SERPINA11: variants seen among roughly 807,000 people sequenced by gnomAD.
The protein encoded by SERPINA11 is serpin family A member 11, also known as serpin A11.
SERPINA11 carries 28 observed loss-of-function variants against 29.4 expected under a neutral mutation model. The ratio of observed to expected loss-of-function variants is 0.95; its 90% CI spans 0.70 to 1.30. SERPINA11 has a LOEUF of 1.30. SERPINA11 is among the 50% of genes most tolerant of loss of function. The pLI, the probability that SERPINA11 is intolerant of heterozygous loss-of-function variation, is 0.00. For missense variants in SERPINA11, 530 were observed against 507.3 expected (o/e 1.04, Z -0.43); for synonymous variants, 253 against 206.6 (o/e 1.22, Z -1.92).
Position 94,448,244 on chromosome 14 carries a change from C to T in SERPINA11, c.531G>A (p.Gly177=), listed in dbSNP as rs1208985829. Reference sequence around the variant, plus strand: ...TTCTCAAATAGTCATTAATCTGCCTCCCAGTTGTAACAGAATCTGTGAAGT... The same window carrying T: ...TTCTCAAATAGTCATTAATCTGCCTTCCAGTTGTAACAGAATCTGTGAAGT... ...SANFTDSVTT[G]RQINDYLRRQ... The change falls in exon 2 of 5, where the codon GGG becomes GGA. Residue 177 remains glycine (G), a synonymous_variant. Transcript: ENST00000334708. 2.5e-6 allele frequency: 4 copies of T among 1,614,106 alleles called. No homozygotes were observed. The highest frequency in any genetic ancestry group is 3.4e-6 in the Non-Finnish European group (4 of 1,180,056).
intron 2 of SERPINA11, among the ~76,000 whole-genome samples, chr14:94,447,169 A>C (rs532575826): frequency 6.6e-6 from 1 of 152,220 alleles, no homozygotes; most frequent in East Asian, 1.9e-4. Context: ...AAAAGAATTC[A>C]ATTAATAAAA....
rs148495961 is a variant in SERPINA11, at chr14:94,448,131, C to G, written c.643+1G>C. On this transcript the variant is annotated splice_donor_variant, in intron 2 of 4. Transcript: ENST00000334708. LOFTEE classifies it high-confidence loss of function. Reference sequence around the variant, plus strand: ...AATAATTCTGTCAGAGCAAGCCTCACCTTTGAAGAAGATGTAATTGGCAAG... The same window carrying G: ...AATAATTCTGTCAGAGCAAGCCTCAGCTTTGAAGAAGATGTAATTGGCAAG... The G allele has an allele frequency of 1.7e-5, 27 of 1,612,508 alleles. No individual in the cohort carries two copies. Among genetic ancestry groups the G allele is most frequent in the Non-Finnish European group, 8.5e-6 (10 of 1,179,050 alleles).
At chr14:94,450,936 C>G (rs1298979881) in intron 1 of SERPINA11, among the ~76,000 whole-genome samples, 1 of 152,166 alleles carries the variant, frequency 6.6e-6, no homozygotes, top group Non-Finnish European at 1.5e-5. Flanking sequence ...CACATTGCTA[C>G]TGGGACCCTC....
intron 1 of SERPINA11, among the ~76,000 whole-genome samples, chr14:94,450,383 T>C (rs1184521217): frequency 6.6e-6 from 1 of 152,134 alleles, no homozygotes; most frequent in Non-Finnish European, 1.5e-5. Flanking sequence ...AAGGAGCAAT[T>C]TGGACACAGA....
chr14:94,443,989 C>T (rs914928200), intron 3 of SERPINA11, among the ~76,000 whole-genome samples: 6 of 152,206 alleles, frequency 3.9e-5, no homozygotes, highest in African/African-American at 1.4e-4. Flanking sequence ...TAGTTCATAA[C>T]CAACTTGAAC....
intron 3 of SERPINA11, among the ~76,000 whole-genome samples, chr14:94,444,365 A>G (rs1184221727): frequency 1.3e-5 from 2 of 150,866 alleles, no homozygotes; most frequent in Non-Finnish European, 3.0e-5. Context: ...AAAGCCCCTA[A>G]AAATGGATAC....
At position 94,448,505 on chromosome 14, in the gene SERPINA11, C is replaced by A. The variant is rs1431729884; in HGVS notation, c.270G>T (p.Gly90=). Residue 90 remains glycine (G), a synonymous_variant, in exon 2 of 5, where the codon GGG becomes GGT. Transcript: ENST00000334708. Reference sequence around the variant, plus strand: ...TCAGAGCTGAGGTGTTAGCTTGGGCCCCAAGAGAGAGCAGGGCCAGGGTGG... The same window carrying A: ...TCAGAGCTGAGGTGTTAGCTTGGGCACCAAGAGAGAGCAGGGCCAGGGTGG... The part of the protein sequence containing the change: ...ISTTLALLSL[G]AQANTSALIL... 1.2e-6 allele frequency: 2 copies of A among 1,614,002 alleles called. No homozygotes were observed. The highest frequency in any genetic ancestry group is 4.5e-5 in the East Asian group (2 of 44,884).
At chr14:94,446,269 G>C (rs555079739) in intron 3 of SERPINA11, 62 bp downstream of exon 3, 1 of 1,477,704 alleles carries the variant, frequency 6.8e-7, no homozygotes, top group African/African-American at 1.4e-5. Flanking sequence ...AGCTGGAGTT[G>C]ATCAAGACCT....
rs199570898 is a variant in SERPINA11 at position 94,442,716 on chromosome 14, T to C, written c.1159A>G (p.Met387Val). 1 of 1,613,712 alleles carries C rather than the reference T, an allele frequency of 6.2e-7. No homozygotes were observed. The highest frequency in any genetic ancestry group is 8.5e-7 in the Non-Finnish European group (1 of 1,179,868). ...LLSQPPSLNTMSDPHAHFNRP... is the reference protein window; with the variant it reads ...LLSQPPSLNTVSDPHAHFNRP... ...TTGAAGTGGGCATGTGGGTCTGACA[T>C]GGTGTTCAGAGATGGGGGCTGGGAG... Residue 387 changes from methionine to valine, a missense_variant, in exon 5 of 5, where the codon ATG (methionine) becomes GTG (valine). Met to Val is a conservative substitution (Grantham distance 21). Transcript: ENST00000334708.
rs757421540 is a variant in SERPINA11 at position 94,443,133 on chromosome 14, T to C, written c.1010A>G (p.Asn337Ser). The change falls in exon 4 of 5, where the codon AAC (asparagine) becomes AGC (serine). Residue 337 changes from asparagine (N) to serine (S), a missense_variant. Coordinates refer to ENST00000334708, the MANE Select transcript of SERPINA11 (RefSeq NM_001080451.2). ...GACTCCTGAGAAGTCAGCTTCTAAGTTGAGTATGTTGGTGAGACCAATTTG... is the reference window on the plus strand; with the variant it reads ...GACTCCTGAGAAGTCAGCTTCTAAGCTGAGTATGTTGGTGAGACCAATTTG... The part of the protein sequence containing the change: ...LPQIGLTNIL[N>S]LEADFSGVTG... 43 of 1,613,900 alleles carry C rather than the reference T, an allele frequency of 2.7e-5. No individual in the cohort carries two copies. The highest frequency in any genetic ancestry group is 3.5e-5 in the Non-Finnish European group (41 of 1,179,962).
intron 1 of SERPINA11, among the ~76,000 whole-genome samples, chr14:94,448,997 T>G (rs529819803): frequency 6.6e-5 from 10 of 152,322 alleles, no homozygotes; most frequent in South Asian, 4.1e-4. Context: ...AGTAGGTTTC[T>G]AACATTTTGT....
Position 94,442,932 on chromosome 14 carries a change from T to C in SERPINA11, c.1066-123A>G. The C allele has an allele frequency of 2.4e-6, 3 of 1,263,062 alleles. No homozygotes were observed. The South Asian group carries it at 4.4e-5, about 18-fold the overall frequency. The allele number at this position is 1,263,062 out of a possible 1,614,324, so 78.2% of individuals were successfully genotyped here. Reference sequence around the variant, plus strand: ...GGGGAGGTAGAGAAGGAAAAGCCCATGAAGAGATGCCTTAAAGACTGTGGT... The same window carrying C: ...GGGGAGGTAGAGAAGGAAAAGCCCACGAAGAGATGCCTTAAAGACTGTGGT... On this transcript the variant is annotated intron_variant, in intron 4 of 4. Transcript: ENST00000334708.
At chr14:94,444,120 T>C (rs1898393074) in intron 3 of SERPINA11, among the ~76,000 whole-genome samples, 1 of 152,130 alleles carries the variant, frequency 6.6e-6, no homozygotes, top group Admixed American at 6.5e-5. Flanking sequence ...TTGACAAGTT[T>C]CCCATAGGCA....
Position 94,446,578 on chromosome 14 carries a change from A to G in SERPINA11, c.670T>C (p.Tyr224His). Reference sequence around the variant, plus strand: ...AAACTTTCCTGCTTCTGGGTCTGGTAGCGACTGAAAGGGTGCTTCCACTTG... The same window carrying G: ...AAACTTTCCTGCTTCTGGGTCTGGTGGCGACTGAAAGGGTGCTTCCACTTG... Reference protein sequence around the residue: ...KAKWKHPFSRYQTQKQESFFV... With the variant: ...KAKWKHPFSRHQTQKQESFFV... The change falls in exon 3 of 5, where the codon TAC becomes CAC. Residue 224 changes from tyrosine to histidine, a missense_variant. Tyr to His is a moderately conservative substitution (Grantham distance 83). Transcript: ENST00000334708. 6.2e-7 allele frequency: 1 copy of G among 1,614,100 alleles called. No individual in the cohort carries two copies. Among genetic ancestry groups the G allele is most frequent in the Non-Finnish European group, 8.5e-7 (1 of 1,179,998 alleles).
intron 3 of SERPINA11, among the ~76,000 whole-genome samples, chr14:94,445,508 A>C (rs1057139634): frequency 2.6e-5 from 4 of 152,202 alleles, no homozygotes; most frequent in African/African-American, 9.7e-5. Flanking sequence ...AATGTTCTTA[A>C]TATTTAATTT....
At chr14:94,451,581 G>C (rs1244719260) in intron 1 of SERPINA11, among the ~76,000 whole-genome samples, 1 of 152,140 alleles carries the variant, frequency 6.6e-6, no homozygotes, top group African/African-American at 2.4e-5. Context: ...TGCACCCCAG[G>C]GACTCCCTGA....
At position 94,448,640 on chromosome 14, in the gene SERPINA11, G is replaced by A. The variant is rs370347481; in HGVS notation, c.135C>T (p.Pro45=). The A allele has an allele frequency of 8.1e-6, 13 of 1,603,122 alleles. No individual in the cohort carries two copies. Among genetic ancestry groups the A allele is most frequent in the Admixed American group, 1.7e-5 (1 of 59,296 alleles). ...TGGTGGGTGTGATTCTGTGGTAGGC[G>A]GGGGCTGGCTCTGAGAGCTGATGCC... is the stretch of plus-strand genomic sequence containing the variant. ...PPRHQLSEPA[P]AYHRITPTIT... is the part of the protein sequence containing the mutation. Residue 45 remains proline, a synonymous_variant, in exon 2 of 5, where the codon CCC becomes CCT. Coordinates refer to ENST00000334708, the MANE Select transcript of SERPINA11 (RefSeq NM_001080451.2).
At chr14:94,449,400 C>CT (rs1566784542) in intron 1 of SERPINA11, among the ~76,000 whole-genome samples, 14 of 25,976 alleles carry the variant, frequency 5.4e-4, no homozygotes, top group African/African-American at 1.8e-3. Flanking sequence ...CTCTTTCTTT[C>CT]TTTCTATTCT....
At chr14:94,449,390 CTCTTTCTTTCTTTCTATTCTTTCTTTCTT>C (rs1449834399) in intron 1 of SERPINA11, among the ~76,000 whole-genome samples, 7,125 of 96,914 alleles carry the variant, frequency 0.074, 446 homozygotes, top group Non-Finnish European at 0.087. Context: ...GCCTCCCTCC[CTCTTTCTTTCTTTCTATTCTTTCTTTCTT>C]TCTTTCTTTC....
Sources: allele counts gnomAD v4.1 joint callset (sites outside exome capture counted in the v4.1 genomes callset), GRCh38; gene constraint gnomAD v4.1.1; transcripts MANE v1.5; gene names NCBI Gene and HGNC (gene_info 2026-07-23, HGNC 2026-07-21).